NCAM2: variants seen among roughly 807,000 people sequenced by gnomAD.
NCAM2 encodes the protein neural cell adhesion molecule 2, also known as N-CAM-2.
Under a neutral mutation model 98.1 loss-of-function variants are expected in NCAM2, and 30 were observed. The observed-to-expected ratio is 0.31, with a 90% CI of 0.23 to 0.41. The LOEUF is 0.41. Among genes scored for constraint, NCAM2 ranks in the 10% least tolerant of loss-of-function variants. The pLI is 1.00. For missense variants in NCAM2, 867 were observed against 1,005.8 expected (o/e 0.86, Z 1.87); for synonymous variants, 368 against 342.4 (o/e 1.07, Z -0.83).
chr21:21,053,333 C>T (rs1371166958), intron 1 of NCAM2, among the ~76,000 whole-genome samples: 1 of 151,980 alleles, frequency 6.6e-6, no homozygotes, highest in Non-Finnish European at 1.5e-5. Context: ...TTGCATCCAT[C>T]TTCTTAAGTG....
intron 1 of NCAM2, among the ~76,000 whole-genome samples, chr21:21,224,942 T>A (rs2147151635): frequency 6.6e-6 from 1 of 152,236 alleles, no homozygotes; most frequent in African/African-American, 2.4e-5. Context: ...CCTTTCCAAA[T>A]CATACAAAAC....
Position 21,418,574 on chromosome 21 carries a change from G to A in NCAM2, c.1480+5G>A. Reference sequence around the variant, plus strand: ...AATATATTCTTGCTTTGGCTGGTAAGTATAGCACAATAATTTTTGAGATCG... The same window carrying A: ...AATATATTCTTGCTTTGGCTGGTAAATATAGCACAATAATTTTTGAGATCG... On this transcript the variant is annotated splice_donor_5th_base_variant and intron_variant, in intron 11 of 17. Coordinates refer to ENST00000400546, the MANE Select transcript of NCAM2 (RefSeq NM_004540.5). 6.4e-7 allele frequency: 1 copy of A among 1,573,578 alleles called. No homozygotes were observed. Among genetic ancestry groups the A allele is most frequent in the Non-Finnish European group, 8.7e-7 (1 of 1,144,200 alleles).
At chr21:21,268,457 A>G (rs1240248223) in intron 1 of NCAM2, among the ~76,000 whole-genome samples, 1 of 152,194 alleles carries the variant, frequency 6.6e-6, no homozygotes, top group Non-Finnish European at 1.5e-5. Flanking sequence ...TTTAACGTTG[A>G]TGCAGGATCA....
At chr21:21,371,363 A>G (rs560002917) in intron 8 of NCAM2, among the ~76,000 whole-genome samples, 48 of 151,892 alleles carry the variant, frequency 3.2e-4, no homozygotes, top group Non-Finnish European at 5.2e-4. Context: ...AGTTGAGTTT[A>G]CTTACTCGAT....
intron 1 of NCAM2, among the ~76,000 whole-genome samples, chr21:21,051,623 C>T (rs2065109925): frequency 6.6e-6 from 1 of 152,222 alleles, no homozygotes; most frequent in Non-Finnish European, 1.5e-5. Context: ...ATTACAGCTT[C>T]TGAACCCAGC....
intron 1 of NCAM2, among the ~76,000 whole-genome samples, chr21:21,252,308 A>G (rs1204048686): frequency 6.6e-6 from 1 of 151,302 alleles, no homozygotes; most frequent in Non-Finnish European, 1.5e-5. Context: ...CCTGAATCAA[A>G]CTTTATTTGC....
intron 9 of NCAM2, among the ~76,000 whole-genome samples, chr21:21,402,325 G>A (rs1001848334): frequency 3.9e-5 from 6 of 151,974 alleles, no homozygotes; most frequent in Admixed American, 3.3e-4. Context: ...GTCTATAAAC[G>A]GCCACTCTGT....
At chr21:21,037,018 G>A (rs989113112) in intron 1 of NCAM2, among the ~76,000 whole-genome samples, 10 of 152,110 alleles carry the variant, frequency 6.6e-5, no homozygotes, top group African/African-American at 2.4e-4. Context: ...TAGATGTCAA[G>A]TACCTATATT....
intron 1 of NCAM2, among the ~76,000 whole-genome samples, chr21:21,191,295 G>T (rs1295263806): frequency 6.6e-6 from 1 of 152,120 alleles, no homozygotes; most frequent in Non-Finnish European, 1.5e-5. Flanking sequence ...GGCTTGTAAT[G>T]ATGTTCTGAT....
intron 1 of NCAM2, among the ~76,000 whole-genome samples, chr21:21,081,796 C>A (rs2065806132): frequency 6.6e-6 from 1 of 150,440 alleles, no homozygotes; most frequent in Admixed American, 6.6e-5. Context: ...ATGAGACTCC[C>A]TCTCAAAGAA....
chr21:21,457,803 A>T (rs10432931), intron 12 of NCAM2, among the ~76,000 whole-genome samples: 20,771 of 152,194 alleles, frequency 0.14, 1,427 homozygotes, highest in Admixed American at 0.14. Context: ...CTTATATTAA[A>T]GGGCTAGAGA....
At chr21:21,090,327 C>G (rs1476661215) in intron 1 of NCAM2, among the ~76,000 whole-genome samples, 1 of 151,934 alleles carries the variant, frequency 6.6e-6, no homozygotes, top group Non-Finnish European at 1.5e-5. Context: ...TTTTTAAATA[C>G]TTTCTGGGAA....
intron 17 of NCAM2, 135 bp from the exon 18 acceptor site, chr21:21,537,711 A>G: frequency 2.4e-6 from 1 of 423,424 alleles, no homozygotes; most frequent in South Asian, 7.5e-5. Context: ...TCTATAAAAT[A>G]GTAACTTATT....
chr21:21,318,510 TA>T (rs1056894146), intron 5 of NCAM2, among the ~76,000 whole-genome samples: 1 of 152,112 alleles, frequency 6.6e-6, no homozygotes, highest in Non-Finnish European at 1.5e-5. Flanking sequence ...TAAATTGTAT[TA>T]AAAAATCTAT....
At chr21:21,074,224 A>T (rs569970724) in intron 1 of NCAM2, among the ~76,000 whole-genome samples, 122 of 152,184 alleles carry the variant, frequency 8.0e-4, no homozygotes, top group Middle Eastern at 3.4e-3. Flanking sequence ...ATATCAATTT[A>T]GTCTTAGAAA....
At chr21:21,526,697 G>A (rs369351426) in intron 16 of NCAM2, among the ~76,000 whole-genome samples, 43 of 152,174 alleles carry the variant, frequency 2.8e-4, no homozygotes, top group East Asian at 1.7e-3. Flanking sequence ...TAAATGTGTA[G>A]GATTGACACT....
At chr21:21,474,680 A>G (rs1208998771) in intron 14 of NCAM2, among the ~76,000 whole-genome samples, 1 of 152,138 alleles carries the variant, frequency 6.6e-6, no homozygotes, top group Non-Finnish European at 1.5e-5. Flanking sequence ...AGGTAATGCC[A>G]GGGCCACAGG....
intron 9 of NCAM2, among the ~76,000 whole-genome samples, chr21:21,384,055 A>G (rs562334673): frequency 6.6e-6 from 1 of 152,122 alleles, no homozygotes; most frequent in Admixed American, 6.5e-5. Context: ...GAAAACTGTA[A>G]TAAGTTTACT....
At chr21:21,369,727 T>A (rs1230856337) in intron 8 of NCAM2, among the ~76,000 whole-genome samples, 1 of 151,852 alleles carries the variant, frequency 6.6e-6, no homozygotes. Flanking sequence ...CATGATCTTA[T>A]TGGTCTTTCT....
Sources: gnomAD v4.1 joint callset for allele counts (sites outside exome capture counted in the v4.1 genomes callset) on GRCh38, gnomAD v4.1.1 for gene constraint, MANE v1.5 for transcripts, NCBI Gene and HGNC (gene_info 2026-07-23, HGNC 2026-07-21) for gene names.